The following IGF2BP1 variants were observed in gnomAD, a reference collection of about 807,000 sequenced individuals.
IGF2BP1 encodes insulin like growth factor 2 mRNA binding protein 1.
In IGF2BP1, 11 loss-of-function variants were observed where a neutral mutation model predicts 74.9. The observed-to-expected ratio is 0.15, with a 90% CI of 0.09 to 0.24. The LOEUF is 0.24. IGF2BP1 is among the 10% of genes least tolerant of loss of function. IGF2BP1 has a pLI of 1.00. For missense variants in IGF2BP1, 440 were observed against 757.4 expected (o/e 0.58, Z 4.92); for synonymous variants, 287 against 281.8 (o/e 1.02, Z -0.18).
chr17:49,003,074 A>G (rs908786163), intron 2 of IGF2BP1, among the ~76,000 whole-genome samples: 1 of 152,234 alleles, frequency 6.6e-6, no homozygotes, highest in African/African-American at 2.4e-5. Flanking sequence ...TGCAAGTCCC[A>G]TCACTAATTT....
At chr17:49,028,479 C>G (rs1474282123) in intron 4 of IGF2BP1, among the ~76,000 whole-genome samples, 2 of 152,202 alleles carry the variant, frequency 1.3e-5, no homozygotes, top group Admixed American at 1.3e-4. Context: ...ACAGGACTCA[C>G]TGATAACTAC....
At chr17:49,041,873 C>T (rs1316209006) in intron 8 of IGF2BP1, among the ~76,000 whole-genome samples, 1 of 152,178 alleles carries the variant, frequency 6.6e-6, no homozygotes, top group East Asian at 1.9e-4. Context: ...TGGGCTGCTC[C>T]TGCAAGCAGT....
chr17:49,038,078 C>T (rs759798118), intron 5 of IGF2BP1, 90 bp from the exon 6 acceptor site: 1 of 1,198,434 alleles, frequency 8.3e-7, no homozygotes, highest in Admixed American at 3.0e-5. Context: ...GTGTTCCAAG[C>T]TGTAACTTAC....
At chr17:49,010,313 CTTTTTTTTTT>C (rs397857828) in intron 2 of IGF2BP1, among the ~76,000 whole-genome samples, 3 of 105,622 alleles carry the variant, frequency 2.8e-5, no homozygotes, top group Admixed American at 1.1e-4. Flanking sequence ...TGGTGGTCAT[CTTTTTTTTTT>C]TTTTTTTTTT....
chr17:49,038,286 C>T lies in IGF2BP1; in HGVS notation c.520C>T (p.Arg174Trp), dbSNP rs779507141. Reference protein sequence around the residue: ...ENGRRGGFGSRGQPRQGSPVA... With the variant: ...ENGRRGGFGSWGQPRQGSPVA... ...TGGGCGCCGAGGGGGCTTTGGCTCT[C>T]GGGGTCAGCCCCGCCAGGGCTCACC... The change falls in exon 6 of 15, where the codon CGG (arginine) becomes TGG (tryptophan). Residue 174 changes from arginine to tryptophan, a missense_variant. By Grantham distance (101) the Arg-to-Trp change is moderately radical. This residue lies in a region of IGF2BP1 where 184 missense variants were observed against 273.4 expected (regional missense o/e 0.67). Coordinates refer to ENST00000290341, the MANE Select transcript of IGF2BP1 (RefSeq NM_006546.4). 6.9e-6 allele frequency: 11 copies of T among 1,603,102 alleles called. No individual in the cohort carries two copies. Among genetic ancestry groups the T allele is most frequent in the Non-Finnish European group, 8.5e-6 (10 of 1,174,694 alleles).
chr17:49,054,439 G>A lies in IGF2BP1; in HGVS notation c.*4995G>A. ...GCATAAGGGTATGAATCCCAGCCAG[G>A]ACAAGTGAGTTGAGGCTTGTGCCAC... On this transcript the variant is annotated 3_prime_UTR_variant, in exon 15 of 15. Transcript: ENST00000290341. 1 of 152,686 alleles carries A rather than the reference G, an allele frequency of 6.5e-6. No homozygotes were observed. The highest frequency in any genetic ancestry group is 1.9e-4 in the East Asian group (1 of 5,198). 9.5% of individuals were successfully genotyped at this position (152,686 alleles called of 1,614,324 possible).
intron 14 of IGF2BP1, among the ~76,000 whole-genome samples, chr17:49,047,332 T>C (rs1425416417): frequency 3.9e-5 from 6 of 151,970 alleles, no homozygotes; most frequent in African/African-American, 1.5e-4. Context: ...CAACTATATA[T>C]ATATATAAAA....
chr17:49,040,866 G>C (rs1283377347), intron 7 of IGF2BP1, among the ~76,000 whole-genome samples: 1 of 152,188 alleles, frequency 6.6e-6, no homozygotes, highest in Non-Finnish European at 1.5e-5. Flanking sequence ...AGTGATGCAA[G>C]GAATCTGCTT....
chr17:49,039,439 A>T (rs1313434303), intron 6 of IGF2BP1, among the ~76,000 whole-genome samples: 1 of 150,964 alleles, frequency 6.6e-6, no homozygotes, highest in African/African-American at 2.4e-5. Context: ...TTTTTATTTT[A>T]TTTTTTGAGG....
rs1468418726 is a variant in IGF2BP1, at chr17:49,025,669, A to G, written c.285+3A>G. 4 of 1,611,416 alleles carry G rather than the reference A, an allele frequency of 2.5e-6. No individual in the cohort carries two copies. Among genetic ancestry groups the G allele is most frequent in the Non-Finnish European group, 3.4e-6 (4 of 1,179,432 alleles). On this transcript the variant is annotated splice_donor_region_variant and intron_variant, in intron 3 of 14. Coordinates refer to ENST00000290341, the MANE Select transcript of IGF2BP1 (RefSeq NM_006546.4). ...TTCCACCCCAGCTCCGATGGGAAGT[A>G]AGTGTTTGGGGGAAACTCTAAATGG... is the stretch of plus-strand genomic sequence containing the variant.
intron 2 of IGF2BP1, among the ~76,000 whole-genome samples, chr17:49,022,356 G>A (rs899076545): frequency 4.6e-5 from 7 of 152,176 alleles, no homozygotes; most frequent in Admixed American, 2.0e-4. Context: ...AATAGAAACC[G>A]GGCCAAGGGC....
chr17:49,015,858 G>A (rs531498296), intron 2 of IGF2BP1, among the ~76,000 whole-genome samples: 243 of 152,292 alleles, frequency 1.6e-3, no homozygotes, highest in Middle Eastern at 3.4e-3. Flanking sequence ...TCATGCTGAG[G>A]TTGGCTTGAC....
rs754326846 is a variant in IGF2BP1, at chr17:49,045,029, G to A, written c.1359G>A (p.Met453Ile). 1.2e-6 allele frequency: 2 copies of A among 1,614,140 alleles called. No homozygotes were observed. Among genetic ancestry groups the A allele is most frequent in the South Asian group, 2.2e-5 (2 of 91,078 alleles). Residue 453 changes from methionine (M) to isoleucine (I), a missense_variant, in exon 12 of 15, where the codon ATG becomes ATA. Transcript: ENST00000290341. The stretch of plus-strand genomic sequence containing the variant: ...AAACACCTGACTCCAAAGTTCGTAT[G>A]GTTATCATCACTGGACCGCCAGAGG... ...PPETPDSKVR[M>I]VIITGPPEAQ... is the part of the protein sequence containing the mutation.
chr17:49,032,007 G>C (rs1000379923), intron 5 of IGF2BP1, 34 bp downstream of exon 5: 5 of 833,970 alleles, frequency 6.0e-6, no homozygotes, highest in Middle Eastern at 2.8e-4. Context: ...TGGGTGCGGT[G>C]GGGGGGGGTT....
intron 3 of IGF2BP1, 82 bp downstream of exon 3, chr17:49,025,748 A>G: frequency 7.7e-7 from 1 of 1,302,064 alleles, no homozygotes; most frequent in Non-Finnish European, 1.1e-6. Context: ...GTTGCCAGAA[A>G]TGATTGGGGA....
chr17:49,027,899 A>G (rs1417928283), intron 4 of IGF2BP1, among the ~76,000 whole-genome samples: 2 of 147,732 alleles, frequency 1.4e-5, no homozygotes, highest in African/African-American at 5.0e-5. Flanking sequence ...GGCTGGGCAC[A>G]ATGACTCACA....
In IGF2BP1 at chr17:48,997,692, G is replaced by C; in HGVS notation, c.-54G>C. On this transcript the variant is annotated 5_prime_UTR_variant, in exon 1 of 15. Transcript: ENST00000290341. The surrounding 1 kb of genome is among the most constrained non-coding windows in gnomAD (Gnocchi z 4.8). ...TCTTGGCCTAGGAGGCTCGCCGCCC[G>C]CGCCCGCTCGTTCGGCCTTGCCCGG... is the stretch of plus-strand genomic sequence containing the variant. The C allele has an allele frequency of 1.3e-6, 2 of 1,576,894 alleles. No homozygotes were observed. Among genetic ancestry groups the C allele is most frequent in the South Asian group, 1.2e-5 (1 of 85,866 alleles).
chr17:49,043,253 C>G (rs781394601), intron 9 of IGF2BP1, among the ~76,000 whole-genome samples, 175 bp from the exon 10 acceptor site: 3 of 152,142 alleles, frequency 2.0e-5, no homozygotes, highest in African/African-American at 7.2e-5. Context: ...ATTCCACACC[C>G]GAAGTGTGTA....
Position 49,038,240 on chromosome 17 carries a change from G to C in IGF2BP1, c.474G>C (p.Gln158His). The change falls in exon 6 of 15, where the codon CAG becomes CAC. Residue 158 changes from glutamine (Q) to histidine (H), a missense_variant. Gln to His is a conservative substitution (Grantham distance 24). This residue lies in a region of IGF2BP1 where 184 missense variants were observed against 273.4 expected (regional missense o/e 0.67). Transcript: ENST00000290341. ...ALKVSYIPDE[Q>H]IAQGPENGRR... ...AGGTCTCCTACATCCCCGATGAGCAGATAGCACAGGGACCTGAGAATGGGC... is the reference window on the plus strand; with the variant it reads ...AGGTCTCCTACATCCCCGATGAGCACATAGCACAGGGACCTGAGAATGGGC... 7 of 1,587,832 alleles carry C rather than the reference G, an allele frequency of 4.4e-6. No homozygotes were observed. The highest frequency in any genetic ancestry group is 6.0e-6 in the Non-Finnish European group (7 of 1,165,838).
Sources: gnomAD v4.1 joint callset for allele counts (sites outside exome capture counted in the v4.1 genomes callset) on GRCh38, gnomAD v4.1.1 for gene constraint, gnomAD v4.1.1 regional missense constraint, Gnocchi (gnomAD v3.1) non-coding constraint, MANE v1.5 for transcripts, NCBI Gene and HGNC (gene_info 2026-07-23, HGNC 2026-07-21) for gene names.